The following RB1 variants were observed in gnomAD, a reference collection of about 807,000 sequenced individuals.
RB1 encodes retinoblastoma-associated protein.
In RB1, 18 loss-of-function variants were observed where a neutral mutation model predicts 135.4. That is an observed-to-expected ratio of 0.13 (90% CI 0.09 to 0.20). The LOEUF is 0.20. Among genes scored for constraint, RB1 ranks in the 10% least tolerant of loss-of-function variants. RB1 has a pLI of 1.00. For missense variants in RB1, 868 were observed against 1,110.0 expected, an observed-to-expected ratio of 0.78 and a Z score of 3.10; for synonymous variants, 365 against 373.2, an observed-to-expected ratio of 0.98 and a Z score of 0.25.
chr13:48,373,998 C>T (rs1952792104), intron 12 of RB1, among the ~76,000 whole-genome samples: 2 of 152,126 alleles, frequency 1.3e-5, no homozygotes, highest in Admixed American at 6.5e-5. Context: ...TCTTATGCCA[C>T]TCAATCTAAC....
chr13:48,411,318 G>GTT, intron 17 of RB1: 1 of 1,245,426 alleles, frequency 8.0e-7, no homozygotes, highest in East Asian at 2.3e-5. Context: ...AAAATAGTTT[G>GTT]TCCAAAAAGA....
chr13:48,317,849 G>A, intron 2 of RB1: 4 of 377,624 alleles, frequency 1.1e-5, no homozygotes, highest in Non-Finnish European at 2.0e-5. Context: ...GGTGGGGCCC[G>A]CTCCTTCCTG....
chr13:48,320,491 G>T, intron 2 of RB1: 1 of 704,436 alleles, frequency 1.4e-6, no homozygotes, highest in East Asian at 2.8e-5. Flanking sequence ...AGAAGGGGAG[G>T]GACGCGCAGA....
chr13:48,464,957 A>AATTTTTTTT, intron 21 of RB1, 41 bp from the exon 22 acceptor site: 1 of 1,136,274 alleles, frequency 8.8e-7, no homozygotes, highest in East Asian at 3.0e-5. Context: ...AGTAAATTTT[A>AATTTTTTTT]CTTTTTTTTT....
chr13:48,319,879 G>T lies in RB1; in HGVS notation c.264+12473G>T, dbSNP rs1952219475. On this transcript the variant is annotated intron_variant, in intron 2 of 26. Transcript: ENST00000267163. The surrounding 1 kb of genome is among the most constrained non-coding windows in gnomAD (Gnocchi z 5.0). ...GAAGGCAGAACCCTAGTCCTCACTG[G>T]ATCTCACCTGGCTGCCAGGGCCACC... 1 of 337,932 alleles carries T rather than the reference G, an allele frequency of 3.0e-6. No individual in the cohort carries two copies. The highest frequency in any genetic ancestry group is 3.5e-5 in the South Asian group (1 of 28,762). The allele number at this position is 337,932 out of a possible 1,614,324, so 20.9% of individuals were successfully genotyped here. A position where few individuals can be genotyped will look rare whatever the true frequency, so the allele number is the denominator to read the frequency against.
Position 48,310,643 on chromosome 13 carries a change from T to C in RB1, c.264+3237T>C, listed in dbSNP as rs114013023. Among the ~76,000 whole-genome samples the C allele has an allele frequency of 9.9e-3, 1,512 of 152,248 alleles. 35 individuals carry two copies. The highest frequency in any genetic ancestry group is 0.035 in the African/African-American group (1,434 of 41,550). ...ACCCCAGAAAATTTTATCATTGATG[T>C]ATTTTTTTTTAGGAGAACTTAGGAT... On this transcript the variant is annotated intron_variant, in intron 2 of 26. Transcript: ENST00000267163.
At chr13:48,376,322 A>T (rs997597403) in intron 12 of RB1, among the ~76,000 whole-genome samples, 1 of 152,036 alleles carries the variant, frequency 6.6e-6, no homozygotes, top group African/African-American at 2.4e-5. Flanking sequence ...TCAACATGGC[A>T]AAACCCCATC....
rs1948533141 is a variant in RB1 at position 48,381,262 on chromosome 13, A to C, written c.1514A>C (p.Asn505Thr). Residue 505 changes from asparagine (N) to threonine (T), a missense_variant, in exon 17 of 27, where the codon AAT becomes ACT. Physicochemically the swap from Asn to Thr is moderately conservative, Grantham distance 65 (BLOSUM62 0). Coordinates refer to ENST00000267163, the MANE Select transcript of RB1 (RefSeq NM_000321.3). ...TCATTTTTAGGAAGTACATCTCAGA[A>C]TCTTGATTCTGGAACAGATTTGTCT... ...MATYSRSTSQ[N>T]LDSGTDLSFP... 3 of 1,610,118 alleles carry C rather than the reference A, an allele frequency of 1.9e-6. No homozygotes were observed. Among genetic ancestry groups the C allele is most frequent in the Non-Finnish European group, 2.5e-6 (3 of 1,178,482 alleles).
intron 3 of RB1, among the ~76,000 whole-genome samples, chr13:48,343,887 G>A (rs1363841236): frequency 1.3e-5 from 2 of 151,820 alleles, no homozygotes; most frequent in Non-Finnish European, 2.9e-5. Flanking sequence ...ATTCCTTTCT[G>A]TATCATAGGA....
intron 17 of RB1, among the ~76,000 whole-genome samples, chr13:48,424,576 A>G (rs1296435666): frequency 6.9e-6 from 1 of 145,558 alleles, no homozygotes; most frequent in Non-Finnish European, 1.5e-5. Flanking sequence ...ATCTGTGCAT[A>G]CACTTGAGTT....
At chr13:48,405,204 A>G (rs1948729083) in intron 17 of RB1, among the ~76,000 whole-genome samples, 1 of 152,220 alleles carries the variant, frequency 6.6e-6, no homozygotes. Context: ...GAAATCAGAT[A>G]GTTTCATAAA....
chr13:48,388,020 C>T (rs902939174), intron 17 of RB1, among the ~76,000 whole-genome samples: 24 of 152,312 alleles, frequency 1.6e-4, no homozygotes, highest in African/African-American at 5.8e-4. Flanking sequence ...CTTTCCTGAT[C>T]ATCCTAGTCT....
At chr13:48,320,236 G>T in intron 2 of RB1, 1 of 1,096,428 alleles carries the variant, frequency 9.1e-7, no homozygotes. Flanking sequence ...GGGCTTGGCA[G>T]CTGGCTTGGC....
intron 17 of RB1, among the ~76,000 whole-genome samples, chr13:48,386,272 A>G (rs767494098): frequency 1.3e-5 from 2 of 152,204 alleles, no homozygotes; most frequent in African/African-American, 2.4e-5. Flanking sequence ...TGTGAACATC[A>G]TAGAGTGTGC....
chr13:48,479,108 G>A (rs984952156), intron 26 of RB1, among the ~76,000 whole-genome samples: 1 of 151,998 alleles, frequency 6.6e-6, no homozygotes, highest in Non-Finnish European at 1.5e-5. Context: ...TGTGCCTGTA[G>A]TCTTGGCTAC....
chr13:48,316,660 G>A (rs966438919), intron 2 of RB1, among the ~76,000 whole-genome samples: 2 of 150,226 alleles, frequency 1.3e-5, no homozygotes, highest in South Asian at 2.1e-4. Context: ...GTTGGTGTAC[G>A]TCTATACAGG....
Position 48,348,965 on chromosome 13 carries a change from T to C in RB1, c.549T>C (p.Thr183=), listed in dbSNP as rs147793910. ...YLTQPSSSIS[T]EINSALVLKV... ...TCTATTTGTTTAATAGGATATCTAC[T>C]GAAATAAATTCTGCATTGGTGCTAA... Residue 183 remains threonine (T), a synonymous_variant, in exon 6 of 27, where the codon ACT becomes ACC. Coordinates refer to ENST00000267163, the MANE Select transcript of RB1 (RefSeq NM_000321.3). 8 of 1,601,920 alleles carry C rather than the reference T, an allele frequency of 5.0e-6. No homozygotes were observed. Among genetic ancestry groups the C allele is most frequent in the Non-Finnish European group, 6.8e-6 (8 of 1,172,998 alleles).
Position 48,319,047 on chromosome 13 carries a change from G to C in RB1, c.264+11641G>C, listed in dbSNP as rs985906268. 4 of 636,210 alleles carry C rather than the reference G, an allele frequency of 6.3e-6. No individual in the cohort carries two copies. Among genetic ancestry groups the C allele is most frequent in the Admixed American group, 2.1e-5 (1 of 48,504 alleles). 39.4% of individuals were successfully genotyped at this position (636,210 alleles called of 1,614,324 possible). On this transcript the variant is annotated intron_variant, in intron 2 of 26. Coordinates refer to ENST00000267163, the MANE Select transcript of RB1 (RefSeq NM_000321.3). This position sits in a 1 kb window ranked among gnomAD's most constrained non-coding sequence, Gnocchi z 5.0. ...CCCAAGATTGCTTCCGCGCGCGTCA[G>C]TTCAGCGGACGTGTCTGCCTGGCAC...
intron 2 of RB1, chr13:48,318,639 T>C: frequency 3.3e-6 from 2 of 608,694 alleles, no homozygotes; most frequent in East Asian, 3.1e-5. Flanking sequence ...CTGGCCACCA[T>C]CTTTCACCAC....
Sources: allele counts gnomAD v4.1 joint callset (sites outside exome capture counted in the v4.1 genomes callset), GRCh38; gene constraint gnomAD v4.1.1; non-coding constraint Gnocchi (gnomAD v3.1); transcripts MANE v1.5; gene names NCBI Gene and HGNC (gene_info 2026-07-23, HGNC 2026-07-21).